DIPK1A: variants seen among roughly 807,000 people sequenced by gnomAD.
The protein encoded by DIPK1A is family with sequence similarity 69 member A.
A neutral mutation model predicts 40.8 loss-of-function variants in DIPK1A; 27 were observed. The observed-to-expected ratio is 0.66, with a 90% confidence interval of 0.49 to 0.91. DIPK1A has a LOEUF of 0.91. Among genes scored for constraint, DIPK1A ranks in the 40% least tolerant of loss-of-function variants. The probability of loss-of-function intolerance (pLI) is 0.00; values close to 1 mark genes in which losing one functional copy is unlikely to be tolerated. For synonymous variants in DIPK1A, 166 were observed against 171.3 expected, an observed-to-expected ratio of 0.97 and a Z score of 0.24; for missense variants, 412 against 505.7, an observed-to-expected ratio of 0.81 and a Z score of 1.78.
At chr1:92,847,398 G>T in intron 3 of DIPK1A, 39 bp from the exon 4 acceptor site, 1 of 1,348,052 alleles carries the variant, frequency 7.4e-7, no homozygotes. Context: ...ATTATACTGA[G>T]TAGAAAACTC....
chr1:92,844,181 G>C lies in DIPK1A; in HGVS notation c.489C>G (p.Asp163Glu). The change falls in exon 5 of 5, where the codon GAC becomes GAG. Residue 163 changes from aspartate to glutamate, a missense_variant. Coordinates refer to ENST00000370310, the MANE Select transcript of DIPK1A (RefSeq NM_001006605.5). ...TAACCAGTTCAGAGAGGTTTCCTTG[G>C]TCACCCAATTTTGCCTGTCAAGAAT... ...VYSLFKAKLG[D>E]QGNLSELVNL... The C allele has an allele frequency of 6.5e-7, 1 of 1,544,852 alleles. No individual in the cohort carries two copies. The highest frequency in any genetic ancestry group is 1.2e-5 in the South Asian group (1 of 83,480).
At chr1:92,955,336 T>C (rs1024185744) in intron 1 of DIPK1A, among the ~76,000 whole-genome samples, 1 of 152,126 alleles carries the variant, frequency 6.6e-6, no homozygotes, top group African/African-American at 2.4e-5. Context: ...ACTATGGACT[T>C]TGGGTGATAA....
chr1:92,927,414 C>T lies in DIPK1A; in HGVS notation c.54+33962G>A, dbSNP rs190872169. Among the ~76,000 whole-genome samples, 4 of 143,646 alleles carry T rather than the reference C, an allele frequency of 2.8e-5. No homozygotes were observed. In the East Asian group the frequency reaches 8.4e-4, roughly 30 times the overall value. The allele number at this position is 143,646 out of a possible 152,430, so 94.2% of individuals were successfully genotyped here. A position where few individuals can be genotyped will look rare whatever the true frequency, so the allele number is the denominator to read the frequency against. Reference sequence around the variant, plus strand: ...CAGAGATGAGATCTTACTGTGTTGCCCAGGCTGGTCTCAAACTCCTGGGCT... The same window carrying T: ...CAGAGATGAGATCTTACTGTGTTGCTCAGGCTGGTCTCAAACTCCTGGGCT... On this transcript the variant is annotated intron_variant, in intron 1 of 4. Transcript: ENST00000370310.
chr1:92,935,209 T>C (rs6604031), intron 1 of DIPK1A, among the ~76,000 whole-genome samples: 3 of 152,084 alleles, frequency 2.0e-5, no homozygotes, highest in African/African-American at 7.2e-5. Context: ...TGAGCAACAC[T>C]ACTGTCTAAA....
rs147422069 is a variant in DIPK1A at position 92,847,300 on chromosome 1, C to T, written c.357G>A (p.Ala119=). ...ATTCAGTTCCAAAATCAAGATGAAG[C>T]GCTTGTTCCATTTGACATTTCACAA... The part of the protein sequence containing the change: ...PGVVKCQMEQ[A]LHLDFGTELE... Residue 119 remains alanine (A), a synonymous_variant, in exon 4 of 5, where the codon GCG becomes GCA. Coordinates refer to ENST00000370310, the MANE Select transcript of DIPK1A (RefSeq NM_001006605.5). 1,151 of 1,612,118 alleles carry T rather than the reference C, an allele frequency of 7.1e-4. 10 individuals are homozygous for T. In the African/African-American group the frequency reaches 0.012, roughly 17 times the overall value.
At chr1:92,896,857 C>CA (rs1173920776) in intron 1 of DIPK1A, among the ~76,000 whole-genome samples, 1 of 151,402 alleles carries the variant, frequency 6.6e-6, no homozygotes, top group Non-Finnish European at 1.5e-5. Context: ...TATGAACAGA[C>CA]ACTTCTCAAA....
chr1:92,861,954 A>AT (rs940587890), intron 2 of DIPK1A, among the ~76,000 whole-genome samples: 7 of 151,928 alleles, frequency 4.6e-5, no homozygotes, highest in Admixed American at 3.3e-4. Flanking sequence ...TAAGTTTTGT[A>AT]TTTTTTGTAG....
intron 1 of DIPK1A, among the ~76,000 whole-genome samples, chr1:92,943,869 C>T (rs1447040406): frequency 2.0e-5 from 3 of 152,076 alleles, no homozygotes; most frequent in Admixed American, 1.3e-4. Flanking sequence ...CAACAATCAC[C>T]AAGCACATGA....
At chr1:92,850,553 A>G (rs1212478818) in intron 3 of DIPK1A, among the ~76,000 whole-genome samples, 2 of 152,030 alleles carry the variant, frequency 1.3e-5, no homozygotes, top group African/African-American at 4.8e-5. Flanking sequence ...TGGTTGTGTG[A>G]GCCTGTAGTC....
rs539064063 is a variant in DIPK1A at position 92,932,260 on chromosome 1, G to A, written c.54+29116C>T. On this transcript the variant is annotated intron_variant, in intron 1 of 4. Transcript: ENST00000370310. ...GTTCGAGACCAGTCTGACCAACGTG[G>A]TGAAACCCCATCTCTACCAAACATA... The A allele has an allele frequency of 3.4e-3, 555 of 162,858 alleles. 2 individuals carry two copies. The highest frequency in any genetic ancestry group is 5.2e-3 in the Non-Finnish European group (385 of 74,608). The allele number at this position is 162,858 out of a possible 1,614,324, so 10.1% of individuals were successfully genotyped here. A position where few individuals can be genotyped will look rare whatever the true frequency, so the allele number is the denominator to read the frequency against.
intron 2 of DIPK1A, among the ~76,000 whole-genome samples, chr1:92,853,687 ACTTT>A (rs1200607350): frequency 1.3e-5 from 2 of 152,226 alleles, no homozygotes; most frequent in Non-Finnish European, 2.9e-5. Flanking sequence ...ACATAGCTGA[ACTTT>A]CTTTCAGTAG....
chr1:92,875,192 A>G (rs1648061029), intron 2 of DIPK1A, among the ~76,000 whole-genome samples: 1 of 152,094 alleles, frequency 6.6e-6, no homozygotes, highest in Non-Finnish European at 1.5e-5. Context: ...TTGCTATCTT[A>G]TTTATCTTAC....
chr1:92,857,147 A>G (rs1688012226), intron 2 of DIPK1A, among the ~76,000 whole-genome samples: 1 of 152,226 alleles, frequency 6.6e-6, no homozygotes, highest in Admixed American at 6.5e-5. Context: ...GCAAAAACTC[A>G]TACCAAATTC....
At chr1:92,902,634 G>A (rs1649466035) in intron 1 of DIPK1A, among the ~76,000 whole-genome samples, 1 of 152,150 alleles carries the variant, frequency 6.6e-6, no homozygotes, top group Non-Finnish European at 1.5e-5. Context: ...ACTATAGTTG[G>A]CCAAGGTGTT....
intron 4 of DIPK1A, among the ~76,000 whole-genome samples, chr1:92,834,307 C>T (rs975652807): frequency 6.6e-6 from 1 of 152,206 alleles, no homozygotes; most frequent in African/African-American, 2.4e-5. Flanking sequence ...ACAAAGGTGG[C>T]TCCCGCATGA....
chr1:92,929,530 T>C (rs2100869052), intron 1 of DIPK1A, among the ~76,000 whole-genome samples: 1 of 152,338 alleles, frequency 6.6e-6, no homozygotes, highest in African/African-American at 2.4e-5. Flanking sequence ...TCCTGAGCCC[T>C]GTTATCTAAG....
chr1:92,919,322 A>C (rs1348269799), intron 1 of DIPK1A, among the ~76,000 whole-genome samples: 1 of 152,172 alleles, frequency 6.6e-6, no homozygotes, highest in Non-Finnish European at 1.5e-5. Flanking sequence ...ATTGCCTACT[A>C]TCCTAGCTTC....
At chr1:92,871,106 C>A (rs1188319426) in intron 2 of DIPK1A, among the ~76,000 whole-genome samples, 2 of 152,104 alleles carry the variant, frequency 1.3e-5, no homozygotes, top group Non-Finnish European at 2.9e-5. Flanking sequence ...ACTTATCCTG[C>A]CTGTTCTTTT....
intron 1 of DIPK1A, among the ~76,000 whole-genome samples, chr1:92,959,642 G>A (rs185510194): frequency 0.028 from 4,188 of 151,356 alleles, 99 homozygotes; most frequent in Non-Finnish European, 0.039. Flanking sequence ...TAGTAGAGAC[G>A]GGGTTTCACC....
Sources: allele counts gnomAD v4.1 joint callset (sites outside exome capture counted in the v4.1 genomes callset), GRCh38; gene constraint gnomAD v4.1.1; transcripts MANE v1.5; gene names NCBI Gene and HGNC (gene_info 2026-07-23, HGNC 2026-07-21).